RECK: variants seen among roughly 807,000 people sequenced by gnomAD.
The protein encoded by RECK is reversion-inducing cysteine-rich protein with Kazal motifs.
Under a neutral mutation model 115.1 loss-of-function variants are expected in RECK, and 69 were observed. The ratio of observed to expected loss-of-function variants is 0.60; its 90% CI spans 0.49 to 0.73. The LOEUF (loss-of-function observed/expected upper bound fraction) is 0.73. Ranked by LOEUF, RECK falls within the 30% of genes least tolerant of loss-of-function variation. The pLI is 0.00. For synonymous variants in RECK, 414 were observed against 419.7 expected (o/e 0.99, Z 0.17); for missense variants, 1,047 against 1,203.7 (o/e 0.87, Z 1.93).
chr9:36,065,228 T>TAA (rs561725701), intron 5 of RECK, among the ~76,000 whole-genome samples: 824 of 50,508 alleles, frequency 0.016, 58 homozygotes, highest in African/African-American at 0.05. Context: ...GGAATTCAGC[T>TAA]AAAAAAAAAA....
chr9:36,097,229 G>T (rs1316091106), intron 10 of RECK, among the ~76,000 whole-genome samples: 1 of 151,448 alleles, frequency 6.6e-6, no homozygotes, highest in Non-Finnish European at 1.5e-5. Flanking sequence ...TTGGGAGGCT[G>T]AGACAGGAGA....
intron 8 of RECK, among the ~76,000 whole-genome samples, chr9:36,084,213 A>G (rs1242934099): frequency 6.6e-6 from 1 of 151,950 alleles, no homozygotes; most frequent in East Asian, 1.9e-4. Flanking sequence ...CCTGGGCAAC[A>G]TGGTGAAACC....
rs564507281 is a variant in RECK, at chr9:36,062,668, G to A, written c.272-1127G>A. Among the ~76,000 whole-genome samples the A allele has an allele frequency of 9.9e-5, 15 of 150,828 alleles. No homozygotes were observed. The East Asian group carries it at 1.6e-3, about 16-fold the overall frequency. ...AATTTTTGAATTTTTAGTAGAGATG[G>A]GGGTTCACCATGTTGGCCAGACTGG... is the stretch of plus-strand genomic sequence containing the variant. On this transcript the variant is annotated intron_variant, in intron 4 of 20. Transcript: ENST00000377966.
In RECK at chr9:36,085,320, A is replaced by C. The variant is rs867033774; in HGVS notation, c.637+1758A>C. 6.6e-4 allele frequency: 107 copies of C among 162,414 alleles called. 3 individuals are homozygous for C. The Middle Eastern group carries it at 0.034, about 51-fold the overall frequency. The allele number at this position is 162,414 out of a possible 1,614,324, so 10.1% of individuals were successfully genotyped here. On this transcript the variant is annotated intron_variant, in intron 8 of 20. Transcript: ENST00000377966. ...GCTCTTCAGAGTCTCCGCTTTGTACATCCTGGAATCCATTTTCTTCACCTA... is the reference window on the plus strand; with the variant it reads ...GCTCTTCAGAGTCTCCGCTTTGTACCTCCTGGAATCCATTTTCTTCACCTA...
chr9:36,124,330 G>T lies in RECK; in HGVS notation c.*1285G>T, dbSNP rs1322108681. On this transcript the variant is annotated 3_prime_UTR_variant, in exon 21 of 21. Coordinates refer to ENST00000377966, the MANE Select transcript of RECK (RefSeq NM_021111.3). ...TGTTGCTGAAAAATGGGCACTTAAA[G>T]CTTTCAGAATATGTCAGTGCTGATG... 1 of 152,558 alleles carries T rather than the reference G, an allele frequency of 6.6e-6. No homozygotes were observed. Among genetic ancestry groups the T allele is most frequent in the Non-Finnish European group, 1.5e-5 (1 of 68,028 alleles). 9.5% of individuals were successfully genotyped at this position (152,558 alleles called of 1,614,324 possible).
chr9:36,039,884 T>C (rs17468865), intron 1 of RECK, among the ~76,000 whole-genome samples: 6,304 of 152,320 alleles, frequency 0.041, 167 homozygotes, highest in Non-Finnish European at 0.066. Flanking sequence ...GGATTGGTGA[T>C]AGACCAGATA....
intron 2 of RECK, among the ~76,000 whole-genome samples, chr9:36,056,177 A>G (rs1389869561): frequency 6.6e-6 from 1 of 152,162 alleles, no homozygotes; most frequent in Non-Finnish European, 1.5e-5. Context: ...ATGTAGCAGC[A>G]AAATCTCAAT....
chr9:36,064,553 T>G (rs1821912616), intron 5 of RECK, among the ~76,000 whole-genome samples: 1 of 152,148 alleles, frequency 6.6e-6, no homozygotes, highest in Non-Finnish European at 1.5e-5. Context: ...TTCTCTTATT[T>G]TCTTCTTCTA....
intron 8 of RECK, 118 bp downstream of exon 8, chr9:36,083,680 C>G: frequency 1.8e-6 from 2 of 1,100,476 alleles, no homozygotes; most frequent in South Asian, 3.3e-5. Flanking sequence ...ATCAGACTTC[C>G]TTTGGTATTT....
chr9:36,099,278 C>A (rs757542073), intron 10 of RECK, among the ~76,000 whole-genome samples: 3 of 150,872 alleles, frequency 2.0e-5, no homozygotes, highest in Admixed American at 6.6e-5. Flanking sequence ...AACAGTGGAG[C>A]TTTCCAGTGG....
chr9:36,052,198 A>G, intron 1 of RECK, 67 bp from the exon 2 acceptor site: 4 of 934,660 alleles, frequency 4.3e-6, no homozygotes, highest in Non-Finnish European at 7.1e-6. Flanking sequence ...TTGTGTAACC[A>G]TCTGAATTAG....
chr9:36,100,375 G>A lies in RECK; in HGVS notation c.1130G>A (p.Gly377Glu). 1 of 1,614,118 alleles carries A rather than the reference G, an allele frequency of 6.2e-7. No individual in the cohort carries two copies. Among genetic ancestry groups the A allele is most frequent in the Non-Finnish European group, 8.5e-7 (1 of 1,180,014 alleles). ...FRSCNAQSDQ[G>E]AMNDMKLWEK... ...AGTTGTAATGCACAGTCAGATCAAG[G>A]AGCCATGAATGACATGAAGTTGTGG... The change falls in exon 11 of 21, where the codon GGA (glycine) becomes GAA (glutamate). Residue 377 changes from glycine to glutamate, a missense_variant. Gly to Glu is a moderately conservative substitution (Grantham distance 98). Coordinates refer to ENST00000377966, the MANE Select transcript of RECK (RefSeq NM_021111.3).
intron 7 of RECK, among the ~76,000 whole-genome samples, chr9:36,081,253 C>A (rs951356629): frequency 6.6e-6 from 1 of 152,142 alleles, no homozygotes; most frequent in South Asian, 2.1e-4. Context: ...ACAAAGAGTT[C>A]TTTAGCTCAG....
intron 9 of RECK, among the ~76,000 whole-genome samples, chr9:36,090,055 C>G (rs752091990): frequency 6.6e-6 from 1 of 151,836 alleles, no homozygotes; most frequent in African/African-American, 2.4e-5. Flanking sequence ...GCTTGGGAGG[C>G]TGAGGCACTA....
At chr9:36,073,255 C>G (rs1588296951) in intron 6 of RECK, among the ~76,000 whole-genome samples, 1 of 150,930 alleles carries the variant, frequency 6.6e-6, no homozygotes, top group Admixed American at 6.6e-5. Flanking sequence ...CACACACACA[C>G]ACACACACAC....
intron 9 of RECK, among the ~76,000 whole-genome samples, chr9:36,089,967 T>TACACACACACACACAC (rs55678229): frequency 2.8e-4 from 40 of 143,898 alleles, no homozygotes; most frequent in African/African-American, 9.8e-4. Flanking sequence ...CTACTAAAAA[T>TACACACACACACACAC]ACACACACAC....
At chr9:36,113,922 A>G (rs1824159030) in intron 16 of RECK, among the ~76,000 whole-genome samples, 1 of 152,252 alleles carries the variant, frequency 6.6e-6, no homozygotes, top group African/African-American at 2.4e-5. Context: ...TACAAATTCC[A>G]AAATATCAAT....
At chr9:36,091,039 G>A in intron 9 of RECK, 125 bp from the exon 10 acceptor site, 1 of 741,838 alleles carries the variant, frequency 1.3e-6, no homozygotes, top group Admixed American at 3.2e-5. Context: ...ATAGTCATTT[G>A]GTTTTTTTAC....
At chr9:36,114,643 A>G (rs955908705) in intron 16 of RECK, among the ~76,000 whole-genome samples, 28 of 152,216 alleles carry the variant, frequency 1.8e-4, no homozygotes, top group African/African-American at 6.8e-4. Flanking sequence ...GCTTGAGCTC[A>G]GGAGTTCGAG....
Sources: allele counts gnomAD v4.1 joint callset (sites outside exome capture counted in the v4.1 genomes callset), GRCh38; gene constraint gnomAD v4.1.1; transcripts MANE v1.5; gene names NCBI Gene and HGNC (gene_info 2026-07-23, HGNC 2026-07-21).